ST6GALNAC3: variants seen among roughly 807,000 people sequenced by gnomAD.
The protein encoded by ST6GALNAC3 is ST6 N-acetylgalactosaminide alpha-2,6-sialyltransferase 3.
A neutral mutation model predicts 32.7 loss-of-function variants in ST6GALNAC3; 25 were observed. That is an observed-to-expected ratio of 0.76 (90% CI 0.56 to 1.07). ST6GALNAC3 has a LOEUF of 1.07. ST6GALNAC3 is among the 50% of genes least tolerant of loss of function. ST6GALNAC3 has a pLI of 0.00. For synonymous variants in ST6GALNAC3, 129 were observed against 133.1 expected (o/e 0.97, Z 0.21); for missense variants, 355 against 382.4 (o/e 0.93, Z 0.60).
At chr1:76,469,497 G>A (rs1658877816) in intron 3 of ST6GALNAC3, among the ~76,000 whole-genome samples, 1 of 152,098 alleles carries the variant, frequency 6.6e-6, no homozygotes, top group East Asian at 1.9e-4. Flanking sequence ...ATTAAGGTAA[G>A]CTGAAACCAG....
intron 3 of ST6GALNAC3, among the ~76,000 whole-genome samples, chr1:76,443,557 G>A (rs1656763886): frequency 1.3e-5 from 2 of 152,168 alleles, no homozygotes; most frequent in African/African-American, 2.4e-5. Context: ...GTTGACTGGA[G>A]CAGGGAACTT....
intron 3 of ST6GALNAC3, among the ~76,000 whole-genome samples, chr1:76,519,130 C>G (rs928351679): frequency 6.6e-6 from 1 of 152,094 alleles, no homozygotes; most frequent in Non-Finnish European, 1.5e-5. Flanking sequence ...TGTTGACCGT[C>G]TTTCCTTGTA....
At chr1:76,432,187 T>C (rs1465904523) in intron 3 of ST6GALNAC3, among the ~76,000 whole-genome samples, 4 of 152,206 alleles carry the variant, frequency 2.6e-5, no homozygotes, top group African/African-American at 9.6e-5. Context: ...ATTTCATGGC[T>C]TGATAGCTCA....
chr1:76,098,077 G>A (rs1430256271), intron 1 of ST6GALNAC3, among the ~76,000 whole-genome samples: 1 of 152,154 alleles, frequency 6.6e-6, no homozygotes, highest in African/African-American at 2.4e-5. Context: ...CCATGTATAT[G>A]TAGGCAATAA....
At chr1:76,628,511 A>G (rs1339024962) in intron 4 of ST6GALNAC3, 109 bp from the exon 5 acceptor site, 2 of 1,013,588 alleles carry the variant, frequency 2.0e-6, no homozygotes, top group African/African-American at 1.6e-5. Flanking sequence ...AGAATCATGT[A>G]TGGGTTTGTG....
At chr1:76,598,284 G>A (rs1183730231) in intron 3 of ST6GALNAC3, among the ~76,000 whole-genome samples, 1 of 152,060 alleles carries the variant, frequency 6.6e-6, no homozygotes, top group Non-Finnish European at 1.5e-5. Flanking sequence ...TCAGCCTATA[G>A]CCATAACCAG....
At chr1:76,615,850 C>T (rs1435162912) in intron 3 of ST6GALNAC3, among the ~76,000 whole-genome samples, 2 of 152,160 alleles carry the variant, frequency 1.3e-5, no homozygotes, top group East Asian at 1.9e-4. Context: ...ATTCCAGAGA[C>T]ATGTGAAAGT....
At chr1:76,226,373 G>A (rs764008865) in intron 1 of ST6GALNAC3, among the ~76,000 whole-genome samples, 24 of 152,120 alleles carry the variant, frequency 1.6e-4, no homozygotes, top group Admixed American at 3.9e-4. Context: ...GGCTTCCTTC[G>A]GTCTAGTTGG....
intron 1 of ST6GALNAC3, among the ~76,000 whole-genome samples, chr1:76,131,509 AG>A: frequency 6.6e-6 from 1 of 152,216 alleles, no homozygotes; most frequent in Non-Finnish European, 1.5e-5. Context: ...AGTCCGTGAC[AG>A]CATACCAGTC....
chr1:76,273,197 G>T (rs1658950289), intron 1 of ST6GALNAC3, among the ~76,000 whole-genome samples: 1 of 151,714 alleles, frequency 6.6e-6, no homozygotes, highest in African/African-American at 2.4e-5. Context: ...ATTGTTGACA[G>T]AAATAAAAAC....
chr1:76,315,930 T>C (rs1646856282), intron 2 of ST6GALNAC3, among the ~76,000 whole-genome samples: 1 of 152,102 alleles, frequency 6.6e-6, no homozygotes, highest in Non-Finnish European at 1.5e-5. Context: ...ATTATCACAG[T>C]CCAGAGTACC....
In ST6GALNAC3 at chr1:76,173,660, C is replaced by T. The variant is rs1300005644; in HGVS notation, c.18+98776C>T. Among the ~76,000 whole-genome samples the T allele has an allele frequency of 2.0e-5, 3 of 151,822 alleles. No homozygotes were observed. In the East Asian group the frequency reaches 5.8e-4, roughly 29 times the overall value. ...ACAAGAAAGAAACAAACAACTCCAT[C>T]AAAAAGTAGGCAAAGGATATGAACA... On this transcript the variant is annotated intron_variant, in intron 1 of 4. Transcript: ENST00000328299.
chr1:76,223,358 C>T (rs1055654288), intron 1 of ST6GALNAC3, among the ~76,000 whole-genome samples: 6 of 152,038 alleles, frequency 3.9e-5, no homozygotes, highest in Non-Finnish European at 5.9e-5. Context: ...AACACATAAA[C>T]GCGAACACAA....
chr1:76,239,676 C>A (rs1230541882), intron 1 of ST6GALNAC3, among the ~76,000 whole-genome samples: 1 of 152,180 alleles, frequency 6.6e-6, no homozygotes. Flanking sequence ...TCCCCCGTGA[C>A]CCAGCACCTC....
At chr1:76,117,012 G>A (rs1374096966) in intron 1 of ST6GALNAC3, among the ~76,000 whole-genome samples, 1 of 152,144 alleles carries the variant, frequency 6.6e-6, no homozygotes, top group East Asian at 1.9e-4. Context: ...TCCAGGCACT[G>A]GTTCCAGACC....
At position 76,149,764 on chromosome 1, in the gene ST6GALNAC3, T is replaced by C. The variant is rs370942499; in HGVS notation, c.18+74880T>C. Among the ~76,000 whole-genome samples the C allele has an allele frequency of 1.8e-4, 27 of 152,364 alleles. No homozygotes were observed. In the South Asian group the frequency reaches 5.4e-3, roughly 30 times the overall value. On this transcript the variant is annotated intron_variant, in intron 1 of 4. Transcript: ENST00000328299. ...ATCTAGGTTGTTTCCATATCTTTGCTTTTGTGAAGAATGATGTGATGACCA... is the reference window on the plus strand; with the variant it reads ...ATCTAGGTTGTTTCCATATCTTTGCCTTTGTGAAGAATGATGTGATGACCA...
At chr1:76,513,462 G>T (rs1387602813) in intron 3 of ST6GALNAC3, among the ~76,000 whole-genome samples, 1 of 151,970 alleles carries the variant, frequency 6.6e-6, no homozygotes, top group Admixed American at 6.6e-5. Context: ...TTATTTCTGG[G>T]CTCTCTATTG....
intron 4 of ST6GALNAC3, 37 bp from the exon 5 acceptor site, chr1:76,628,583 C>A (rs762982539): frequency 6.5e-7 from 1 of 1,534,872 alleles, no homozygotes; most frequent in Admixed American, 2.1e-5. Context: ...TTCTTCATCT[C>A]AATCTTTCTC....
chr1:76,426,889 GACTGAAATGTC>G (rs538060928), intron 3 of ST6GALNAC3, among the ~76,000 whole-genome samples: 160 of 152,042 alleles, frequency 1.1e-3, no homozygotes, highest in Non-Finnish European at 2.0e-3. Flanking sequence ...GCTCATCTCT[GACTGAAATGTC>G]ACTGTGTGGC....
Sources: allele counts gnomAD v4.1 joint callset (sites outside exome capture counted in the v4.1 genomes callset), GRCh38; gene constraint gnomAD v4.1.1; transcripts MANE v1.5; gene names NCBI Gene and HGNC (gene_info 2026-07-23, HGNC 2026-07-21).